Variants in EDIL3 observed in about 807,000 individuals in gnomAD.
The protein encoded by EDIL3 is EGF like and discoidin domains 3, also known as EGF-like repeat and discoidin I-like domain-containing protein 3.
A neutral mutation model predicts 67.4 loss-of-function variants in EDIL3; 37 were observed. The observed-to-expected ratio is 0.55, with a 90% CI of 0.42 to 0.72. The LOEUF is 0.72. Ranked by LOEUF, EDIL3 falls within the 30% of genes least tolerant of loss-of-function variation. EDIL3 has a pLI of 0.00. For synonymous variants in EDIL3, 195 were observed against 196.3 expected (o/e 0.99, Z 0.05); for missense variants, 527 against 586.3 (o/e 0.90, Z 1.04).
chr5:84,367,867 G>A (rs1480236664), intron 1 of EDIL3, among the ~76,000 whole-genome samples: 1 of 152,094 alleles, frequency 6.6e-6, no homozygotes, highest in African/African-American at 2.4e-5. Flanking sequence ...TAAGCTCTAT[G>A]TGAGAAAAGA....
At chr5:84,129,162 A>C (rs1198196755) in intron 5 of EDIL3, among the ~76,000 whole-genome samples, 2 of 152,132 alleles carry the variant, frequency 1.3e-5, no homozygotes, top group Non-Finnish European at 2.9e-5. Context: ...GGAAGATAGA[A>C]CTTCCATGTC....
chr5:83,943,675 A>C, intron 10 of EDIL3, 107 bp from the exon 11 acceptor site: 1 of 1,301,036 alleles, frequency 7.7e-7, no homozygotes, highest in Admixed American at 2.6e-5. Flanking sequence ...TTTGATAACT[A>C]TTCATTTTCT....
chr5:84,285,660 G>T (rs1322974666), intron 1 of EDIL3, among the ~76,000 whole-genome samples: 1 of 152,218 alleles, frequency 6.6e-6, no homozygotes, highest in Non-Finnish European at 1.5e-5. Flanking sequence ...TCAGACTTGG[G>T]CTTCTAGGTT....
chr5:83,949,852 TGAGAA>T (rs1744386646), intron 10 of EDIL3, among the ~76,000 whole-genome samples: 1 of 151,810 alleles, frequency 6.6e-6, no homozygotes, highest in African/African-American at 2.4e-5. Context: ...ATGGCCTGTC[TGAGAA>T]GAGTATTTTT....
At chr5:84,102,466 G>C (rs547126430) in intron 6 of EDIL3, among the ~76,000 whole-genome samples, 1 of 151,602 alleles carries the variant, frequency 6.6e-6, no homozygotes, top group South Asian at 2.1e-4. Context: ...GTCTAGGCCC[G>C]AATGATCCTT....
In EDIL3 at chr5:84,255,540, T is replaced by G. The variant is rs375889830; in HGVS notation, c.68-1328A>C. On this transcript the variant is annotated intron_variant, in intron 1 of 10. Coordinates refer to ENST00000296591, the MANE Select transcript of EDIL3 (RefSeq NM_005711.5). ...CTTTGTAGGTGAAACTGCCACCTCC[T>G]GGACTCAATGAGTAAGGGACTTTTC... 3.3e-5 allele frequency among the ~76,000 whole-genome samples: 5 copies of G among 152,162 alleles called. No individual in the cohort carries two copies. In the East Asian group the frequency reaches 5.8e-4, roughly 18 times the overall value.
intron 1 of EDIL3, among the ~76,000 whole-genome samples, chr5:84,293,255 A>T (rs1023717675): frequency 6.6e-6 from 1 of 152,212 alleles, no homozygotes; most frequent in Non-Finnish European, 1.5e-5. Context: ...ATATTTCTTT[A>T]ACAAACACGA....
intron 5 of EDIL3, among the ~76,000 whole-genome samples, chr5:84,124,737 C>T (rs531655518): frequency 6.6e-6 from 1 of 151,802 alleles, no homozygotes; most frequent in African/African-American, 2.4e-5. Context: ...ACCAGAAGGA[C>T]ACGGTTAATA....
intron 1 of EDIL3, among the ~76,000 whole-genome samples, chr5:84,287,703 CA>C (rs1399840652): frequency 1.3e-5 from 2 of 152,108 alleles, no homozygotes; most frequent in Non-Finnish European, 2.9e-5. Context: ...AAATCTTAGT[CA>C]TCTTCTTACT....
intron 1 of EDIL3, among the ~76,000 whole-genome samples, chr5:84,358,565 C>A (rs181170454): frequency 1.6e-3 from 229 of 142,922 alleles, no homozygotes; most frequent in Non-Finnish European, 3.1e-3. Context: ...AAGATACCTA[C>A]AGCATAAGAC....
chr5:84,102,636 C>A (rs752969614), intron 6 of EDIL3, among the ~76,000 whole-genome samples: 1 of 150,130 alleles, frequency 6.7e-6, no homozygotes, highest in Non-Finnish European at 1.5e-5. Flanking sequence ...AAAAAAAAAA[C>A]GAAAAAACCC....
At chr5:84,295,971 C>G (rs145662143) in intron 1 of EDIL3, among the ~76,000 whole-genome samples, 14 of 152,182 alleles carry the variant, frequency 9.2e-5, no homozygotes, top group African/African-American at 3.4e-4. Flanking sequence ...TGTATTTTGG[C>G]CAAATTTGTA....
intron 5 of EDIL3, among the ~76,000 whole-genome samples, chr5:84,125,513 A>C (rs1480131436): frequency 6.6e-6 from 1 of 151,986 alleles, no homozygotes; most frequent in Non-Finnish European, 1.5e-5. Context: ...TCCTTAAATA[A>C]CTCTAGGTGT....
chr5:84,122,237 A>G (rs192713581), intron 5 of EDIL3, among the ~76,000 whole-genome samples: 10 of 152,042 alleles, frequency 6.6e-5, no homozygotes, highest in African/African-American at 2.4e-4. Context: ...CCCCTTCCAA[A>G]GGTATGGATT....
chr5:84,370,688 A>C (rs1289707169), intron 1 of EDIL3, among the ~76,000 whole-genome samples: 1 of 152,200 alleles, frequency 6.6e-6, no homozygotes, highest in Non-Finnish European at 1.5e-5. Context: ...AACTGTTTAT[A>C]AATTAGACAG....
chr5:83,955,302 A>ATAAAG (rs1432306943), intron 10 of EDIL3, among the ~76,000 whole-genome samples: 3 of 151,778 alleles, frequency 2.0e-5, no homozygotes, highest in Non-Finnish European at 4.4e-5. Flanking sequence ...AAGTAAGGTG[A>ATAAAG]TAAAGCATGT....
At chr5:84,051,149 G>A (rs1039729994) in intron 9 of EDIL3, among the ~76,000 whole-genome samples, 1 of 152,210 alleles carries the variant, frequency 6.6e-6, no homozygotes, top group African/African-American at 2.4e-5. Flanking sequence ...AACATTTGCT[G>A]TTCACCAATA....
intron 1 of EDIL3, among the ~76,000 whole-genome samples, chr5:84,269,723 A>T (rs2112094564): frequency 6.6e-6 from 1 of 152,288 alleles, no homozygotes; most frequent in Non-Finnish European, 1.5e-5. Flanking sequence ...TTAGAGCTTT[A>T]TTCTGGACAT....
chr5:83,957,847 G>C (rs373909274), intron 10 of EDIL3, among the ~76,000 whole-genome samples: 6 of 151,748 alleles, frequency 4.0e-5, no homozygotes, highest in Admixed American at 6.6e-5. Context: ...CTGGGAGACT[G>C]TGTCATATTC....
Sources: allele counts gnomAD v4.1 joint callset (sites outside exome capture counted in the v4.1 genomes callset), GRCh38; gene constraint gnomAD v4.1.1; transcripts MANE v1.5; gene names NCBI Gene and HGNC (gene_info 2026-07-23, HGNC 2026-07-21).